Variants in TMEM132E observed in about 807,000 individuals in gnomAD.
The protein encoded by TMEM132E is transmembrane protein 132E.
In TMEM132E, 49 loss-of-function variants were observed where a neutral mutation model predicts 78.5. The observed-to-expected ratio is 0.62, with a 90% CI of 0.50 to 0.79. The LOEUF (loss-of-function observed/expected upper bound fraction) is 0.79. TMEM132E is among the 30% of genes least tolerant of loss of function. The probability of loss-of-function intolerance (pLI) is 0.00; values close to 1 mark genes in which losing one functional copy is unlikely to be tolerated. For missense variants in TMEM132E, 1,403 were observed against 1,470.9 expected (o/e 0.95, Z 0.75); for synonymous variants, 715 against 670.6 (o/e 1.07, Z -1.02).
At chr17:34,627,799 AG>A (rs1244644184) in intron 2 of TMEM132E, among the ~76,000 whole-genome samples, 1 of 152,168 alleles carries the variant, frequency 6.6e-6, no homozygotes, top group Non-Finnish European at 1.5e-5. Flanking sequence ...CTGTCTCCTC[AG>A]TGTCCTACCT....
At position 34,629,189 on chromosome 17, in the gene TMEM132E, C is replaced by T. The variant is rs1907263314; in HGVS notation, c.1323C>T (p.Ile441=). The T allele has an allele frequency of 1.9e-6, 3 of 1,613,908 alleles. No individual in the cohort carries two copies. The highest frequency in any genetic ancestry group is 2.5e-6 in the Non-Finnish European group (3 of 1,179,972). Residue 441 remains isoleucine (I), a synonymous_variant, in exon 4 of 9, where the codon ATC becomes ATT. Transcript: ENST00000631683. The stretch of plus-strand genomic sequence containing the variant: ...TCATTCAGCGGGATGTGCAAGCCAT[C>T]CTGCCCCTGGCCATGGTGAGCAGGC... The part of the protein sequence containing the change: ...LTVIQRDVQA[I]LPLAMDTEII...
chr17:34,588,326 G>A (rs1343665662), intron 1 of TMEM132E, among the ~76,000 whole-genome samples: 4 of 152,128 alleles, frequency 2.6e-5, no homozygotes, highest in African/African-American at 4.8e-5. Context: ...ATTCTGCATT[G>A]CCTGGCTTCC....
At chr17:34,586,384 T>C (rs1345536143) in intron 1 of TMEM132E, among the ~76,000 whole-genome samples, 1 of 152,138 alleles carries the variant, frequency 6.6e-6, no homozygotes, top group Non-Finnish European at 1.5e-5. Flanking sequence ...TTATCACCAA[T>C]TCAGCTGGCT....
In TMEM132E at chr17:34,594,682, TG is replaced by T. The variant is rs200607487; in HGVS notation, c.67+13542del. The stretch of plus-strand genomic sequence containing the variant: ...ATAGCTCACTGCAGCCTCGAACTCT[TG>T]GGCTCAAGTGATCCTCCTGCCTCAG... On this transcript the variant is annotated intron_variant, in intron 1 of 8. Coordinates refer to ENST00000631683, the MANE Select transcript of TMEM132E (RefSeq NM_001304438.2). 3.5e-3 allele frequency among the ~76,000 whole-genome samples: 532 copies of T among 152,310 alleles called. 2 individuals carry two copies. Among genetic ancestry groups the T allele is most frequent in the African/African-American group, 0.012 (490 of 41,566 alleles).
intron 2 of TMEM132E, among the ~76,000 whole-genome samples, chr17:34,627,485 T>C (rs1285040975): frequency 2.8e-5 from 4 of 144,516 alleles, no homozygotes; most frequent in African/African-American, 8.7e-5. Flanking sequence ...TGTGTGTGTG[T>C]GTGTGTGTGT....
rs77731060 is a variant in TMEM132E, at chr17:34,588,096, A to G, written c.67+6953A>G. Among the ~76,000 whole-genome samples, 860 of 152,140 alleles carry G rather than the reference A, an allele frequency of 5.7e-3. 9 individuals carry two copies. Among genetic ancestry groups the G allele is most frequent in the African/African-American group, 0.02 (821 of 41,504 alleles). ...GAGCCTTTCTCTTCCCTTGCCCTCC[A>G]TGCTTCTTTCAGTCCCTCGAATAAG... On this transcript the variant is annotated intron_variant, in intron 1 of 8. Coordinates refer to ENST00000631683, the MANE Select transcript of TMEM132E (RefSeq NM_001304438.2).
intron 1 of TMEM132E, among the ~76,000 whole-genome samples, chr17:34,613,211 A>ACACACACACACACACACGCG: frequency 1.1e-4 from 13 of 115,978 alleles, no homozygotes; most frequent in Admixed American, 2.0e-4. Flanking sequence ...ACACACACAC[A>ACACACACACACACACACGCG]CGCGCGCGCG....
At chr17:34,618,989 C>T (rs992646498) in intron 1 of TMEM132E, among the ~76,000 whole-genome samples, 5 of 152,176 alleles carry the variant, frequency 3.3e-5, no homozygotes, top group Non-Finnish European at 5.9e-5. Context: ...CTTCCTCCAC[C>T]GCAGGTCTCC....
intron 1 of TMEM132E, among the ~76,000 whole-genome samples, chr17:34,619,414 C>G (rs539447670): frequency 1.3e-5 from 2 of 150,038 alleles, no homozygotes; most frequent in Admixed American, 6.6e-5. Flanking sequence ...CATAAATATA[C>G]AGATACCAGG....
chr17:34,637,210 GA>G lies in TMEM132E; in HGVS notation c.2204del (p.Asp735ValfsTer18). 6.2e-7 allele frequency: 1 copy of G among 1,610,674 alleles called. No homozygotes were observed. Among genetic ancestry groups the G allele is most frequent in the Non-Finnish European group, 8.5e-7 (1 of 1,177,408 alleles). The part of the protein sequence containing the change: ...ALLSLWLSYS[D>X]GTTAPLSLYS... The stretch of plus-strand genomic sequence containing the variant: ...ACTGAGCCTCTGGCTCTCCTACAGT[GA>G]TGGCACCACAGCCCCACTCTCCCTC... On this transcript the variant is annotated frameshift_variant, in exon 9 of 9. Transcript: ENST00000631683. LOFTEE classifies it high-confidence loss of function.
intron 1 of TMEM132E, among the ~76,000 whole-genome samples, chr17:34,607,601 C>T (rs1428979991): frequency 6.6e-6 from 1 of 152,200 alleles, no homozygotes; most frequent in African/African-American, 2.4e-5. Flanking sequence ...AAGACTCAGT[C>T]CCACAAGACT....
At chr17:34,586,807 C>CA (rs11338687) in intron 1 of TMEM132E, among the ~76,000 whole-genome samples, 40 of 149,250 alleles carry the variant, frequency 2.7e-4, no homozygotes, top group South Asian at 4.3e-4. Context: ...TAATTCAATG[C>CA]AAAAAAAAAA....
chr17:34,605,619 T>C (rs1906386505), intron 1 of TMEM132E, among the ~76,000 whole-genome samples: 1 of 152,160 alleles, frequency 6.6e-6, no homozygotes, highest in Non-Finnish European at 1.5e-5. Context: ...GCACCAGGAT[T>C]CCAAGCATCT....
chr17:34,627,606 T>A (rs1907204043), intron 2 of TMEM132E, among the ~76,000 whole-genome samples: 1 of 151,888 alleles, frequency 6.6e-6, no homozygotes, highest in South Asian at 2.1e-4. Context: ...GTTTGCAAAC[T>A]CAAAAATGCC....
intron 1 of TMEM132E, among the ~76,000 whole-genome samples, chr17:34,587,591 C>A (rs1905722244): frequency 6.6e-6 from 1 of 152,136 alleles, no homozygotes; most frequent in African/African-American, 2.4e-5. Context: ...TCCTTCCCTA[C>A]CTCAGCCCCC....
chr17:34,632,813 C>A lies in TMEM132E; in HGVS notation c.1592C>A (p.Thr531Lys). 3.7e-6 allele frequency: 6 copies of A among 1,614,214 alleles called. No individual in the cohort carries two copies. Among genetic ancestry groups the A allele is most frequent in the Non-Finnish European group, 5.1e-6 (6 of 1,180,030 alleles). Residue 531 changes from threonine to lysine, a missense_variant, in exon 6 of 9, where the codon ACA becomes AAA. Physicochemically the swap from Thr to Lys is moderately conservative, Grantham distance 78. Around this residue, in one of 3 missense-constraint regions of TMEM132E, gnomAD observed 888 missense variants for 952.8 expected, o/e 0.93. Coordinates refer to ENST00000631683, the MANE Select transcript of TMEM132E (RefSeq NM_001304438.2). ...YDVLNAPLEM[T>K]VWVPKLPLHI... ...GTCCTCAATGCTCCCCTGGAAATGA[C>A]AGTCTGGGTCCCCAAGCTGCCCTTG...
chr17:34,615,015 C>T (rs1239698983), intron 1 of TMEM132E, among the ~76,000 whole-genome samples: 2 of 152,140 alleles, frequency 1.3e-5, no homozygotes, highest in Non-Finnish European at 2.9e-5. Flanking sequence ...CCATAGGTGG[C>T]AAGGCTCCAG....
chr17:34,621,816 CTGTG>C (rs34320048), intron 1 of TMEM132E, among the ~76,000 whole-genome samples: 58 of 149,404 alleles, frequency 3.9e-4, no homozygotes, highest in South Asian at 2.1e-4. Flanking sequence ...AGGTGCCAGC[CTGTG>C]TGTGTGTGTG....
rs184338266 is a variant in TMEM132E at position 34,588,973 on chromosome 17, C to T, written c.67+7830C>T. 7.1e-3 allele frequency among the ~76,000 whole-genome samples: 1,081 copies of T among 152,236 alleles called. 10 individuals are homozygous for T. Among genetic ancestry groups the T allele is most frequent in the Non-Finnish European group, 0.012 (816 of 68,012 alleles). Reference sequence around the variant, plus strand: ...TTCACCATGTTGGCCAGGCTGGTCTCGAACTCCTGACTTCAGGTGATCCAC... The same window carrying T: ...TTCACCATGTTGGCCAGGCTGGTCTTGAACTCCTGACTTCAGGTGATCCAC... On this transcript the variant is annotated intron_variant, in intron 1 of 8. Coordinates refer to ENST00000631683, the MANE Select transcript of TMEM132E (RefSeq NM_001304438.2).
Sources: allele counts gnomAD v4.1 joint callset (sites outside exome capture counted in the v4.1 genomes callset), GRCh38; gene constraint gnomAD v4.1.1; regional missense constraint gnomAD v4.1.1; transcripts MANE v1.5; gene names NCBI Gene and HGNC (gene_info 2026-07-23, HGNC 2026-07-21).